Variants in FYN observed in about 807,000 individuals in gnomAD.
FYN encodes the protein tyrosine-protein kinase Fyn.
FYN carries 10 observed loss-of-function variants against 70.2 expected under a neutral mutation model. The ratio of observed to expected loss-of-function variants is 0.14; its 90% CI spans 0.09 to 0.24. The LOEUF is 0.24. FYN is among the 10% of genes least tolerant of loss of function. The pLI is 1.00. For synonymous variants in FYN, 236 were observed against 248.6 expected (o/e 0.95, Z 0.48); for missense variants, 319 against 673.1 (o/e 0.47, Z 5.82).
chr6:111,690,105 A>C (rs1799248457), intron 12 of FYN, among the ~76,000 whole-genome samples: 1 of 152,146 alleles, frequency 6.6e-6, no homozygotes, highest in Non-Finnish European at 1.5e-5. Flanking sequence ...CTCTGAAGGA[A>C]GTGAGGGCTG....
chr6:111,746,815 G>A (rs1406885), intron 3 of FYN, among the ~76,000 whole-genome samples: 48,232 of 151,564 alleles, frequency 0.32, 8,750 homozygotes, highest in East Asian at 0.47. Context: ...ACAGAGAGAG[G>A]GTAGAGGGAG....
chr6:111,737,279 T>C (rs1801749944), intron 3 of FYN, among the ~76,000 whole-genome samples: 1 of 152,180 alleles, frequency 6.6e-6, no homozygotes, highest in African/African-American at 2.4e-5. Flanking sequence ...CTAGAGATAG[T>C]GTCAGATCCT....
intron 2 of FYN, among the ~76,000 whole-genome samples, chr6:111,807,284 T>C (rs1211305919): frequency 1.3e-5 from 2 of 152,168 alleles, no homozygotes; most frequent in Non-Finnish European, 2.9e-5. Context: ...CAGGGCAAAA[T>C]AGACACTGGG....
At chr6:111,724,179 C>T (rs565225349) in intron 3 of FYN, among the ~76,000 whole-genome samples, 15 of 152,230 alleles carry the variant, frequency 9.9e-5, no homozygotes, top group Admixed American at 5.9e-4. Flanking sequence ...GAAGAATTGC[C>T]GGACACAGGA....
At chr6:111,761,380 A>C (rs1027408090) in intron 3 of FYN, among the ~76,000 whole-genome samples, 8 of 152,176 alleles carry the variant, frequency 5.3e-5, no homozygotes, top group African/African-American at 1.9e-4. Context: ...TTTCAGGGTG[A>C]AGGAAGCTGA....
At chr6:111,797,568 C>T (rs980059330) in intron 2 of FYN, among the ~76,000 whole-genome samples, 2 of 148,368 alleles carry the variant, frequency 1.3e-5, no homozygotes, top group African/African-American at 5.0e-5. Context: ...TTAGTCTGCT[C>T]ACACAATGGA....
chr6:111,754,846 A>AT (rs780623470), intron 3 of FYN, among the ~76,000 whole-genome samples: 6 of 152,170 alleles, frequency 3.9e-5, no homozygotes, highest in Admixed American at 6.5e-5. Context: ...CTCTCAAAGC[A>AT]TGACCACACA....
intron 2 of FYN, among the ~76,000 whole-genome samples, chr6:111,812,604 CTTTTTTTT>C (rs369326017): frequency 3.9e-5 from 4 of 101,320 alleles, no homozygotes; most frequent in Middle Eastern, 6.0e-3. Context: ...AGAAATTTTC[CTTTTTTTT>C]TTTTTTTTTT....
intron 2 of FYN, among the ~76,000 whole-genome samples, chr6:111,836,883 C>G (rs1043457637): frequency 2.6e-5 from 4 of 152,174 alleles, no homozygotes; most frequent in African/African-American, 9.7e-5. Flanking sequence ...ACAGTATCAT[C>G]TAGAAAACAC....
intron 3 of FYN, among the ~76,000 whole-genome samples, chr6:111,721,248 T>C (rs1317080793): frequency 6.6e-6 from 1 of 152,078 alleles, no homozygotes; most frequent in Non-Finnish European, 1.5e-5. Flanking sequence ...CTTGGCGCCA[T>C]ATTAAAACAG....
chr6:111,799,376 G>T (rs2128518969), intron 2 of FYN, among the ~76,000 whole-genome samples: 1 of 152,260 alleles, frequency 6.6e-6, no homozygotes, highest in East Asian at 1.9e-4. Flanking sequence ...GGAAATAGAG[G>T]TGGGGAGAGG....
intron 1 of FYN, among the ~76,000 whole-genome samples, chr6:111,855,536 C>T (rs943292152): frequency 5.3e-5 from 8 of 152,076 alleles, no homozygotes; most frequent in Admixed American, 3.3e-4. Context: ...TTAGAAATAT[C>T]CCAAACTTTT....
chr6:111,796,769 T>C lies in FYN; in HGVS notation c.-81-16134A>G, dbSNP rs189684762. 8.6e-4 allele frequency among the ~76,000 whole-genome samples: 131 copies of C among 152,212 alleles called. 1 individual carries two copies. The highest frequency in any genetic ancestry group is 2.9e-3 in the African/African-American group (122 of 41,550). On this transcript the variant is annotated intron_variant, in intron 2 of 13. Transcript: ENST00000354650. ...CACCATGCTGATTGAAATCCCCTCG[T>C]GGGTAAGGGGAGTGGCAGGTAAGAT...
intron 2 of FYN, among the ~76,000 whole-genome samples, chr6:111,785,912 T>C (rs150966557): frequency 0.066 from 9,621 of 145,742 alleles, 430 homozygotes; most frequent in Non-Finnish European, 0.1. Context: ...AGTAAGAACA[T>C]GTGGTGTTTG....
intron 2 of FYN, among the ~76,000 whole-genome samples, chr6:111,797,412 C>A (rs1433768764): frequency 6.6e-6 from 1 of 151,562 alleles, no homozygotes; most frequent in Non-Finnish European, 1.5e-5. Context: ...TATATTTTCA[C>A]CAAACCTAGT....
At chr6:111,764,216 C>CAAAAAAAAAAAAAAAAAAAAAAAAAA (rs11409465) in intron 3 of FYN, among the ~76,000 whole-genome samples, 20 of 58,364 alleles carry the variant, frequency 3.4e-4, no homozygotes, top group African/African-American at 6.2e-4. Flanking sequence ...TTTTGTCAAG[C>CAAAAAAAAAAAAAAAAAAAAAAAAAA]AAAAAAAAAA....
At chr6:111,831,322 G>A (rs140919521) in intron 2 of FYN, among the ~76,000 whole-genome samples, 1 of 152,134 alleles carries the variant, frequency 6.6e-6, no homozygotes, top group African/African-American at 2.4e-5. Flanking sequence ...TAAAATTAAG[G>A]TACAAAATTT....
chr6:111,718,979 A>G (rs559581242), intron 4 of FYN, among the ~76,000 whole-genome samples: 1 of 152,348 alleles, frequency 6.6e-6, no homozygotes, highest in South Asian at 2.1e-4. Flanking sequence ...GTGAAAAGGT[A>G]CCTGCTGCCA....
At chr6:111,801,667 T>C (rs1211745496) in intron 2 of FYN, among the ~76,000 whole-genome samples, 2 of 152,162 alleles carry the variant, frequency 1.3e-5, no homozygotes, top group Non-Finnish European at 2.9e-5. Flanking sequence ...AAGCCACTTA[T>C]AAAAGTAGCA....
Sources: gnomAD v4.1 joint callset for allele counts (sites outside exome capture counted in the v4.1 genomes callset) on GRCh38, gnomAD v4.1.1 for gene constraint, MANE v1.5 for transcripts, NCBI Gene and HGNC (gene_info 2026-07-23, HGNC 2026-07-21) for gene names.